KMT5C: variants seen among roughly 807,000 people sequenced by gnomAD.
KMT5C encodes lysine methyltransferase 5C, also known as histone-lysine N-methyltransferase KMT5C.
KMT5C carries 16 observed loss-of-function variants against 38.2 expected under a neutral mutation model. The observed-to-expected ratio is 0.42, with a 90% CI of 0.28 to 0.64. KMT5C has a LOEUF of 0.64. Ranked by LOEUF, KMT5C falls within the 30% of genes least tolerant of loss-of-function variation. The pLI, the probability that KMT5C is intolerant of heterozygous loss-of-function variation, is 0.23. For missense variants in KMT5C, 598 were observed against 665.1 expected (o/e 0.90, Z 1.11); for synonymous variants, 291 against 279.0 (o/e 1.04, Z -0.43).
In KMT5C at chr19:55,347,636, A is replaced by C; in HGVS notation, c.*187A>C. ...GAGCCCTGACCCTTTGTGACTGCTG[A>C]CCCCTGAGCCACCCCCACTCCCACA... On this transcript the variant is annotated 3_prime_UTR_variant, in exon 9 of 9. Transcript: ENST00000255613. The surrounding 1 kb of genome is among the most constrained non-coding windows in gnomAD (Gnocchi z 4.6). 2 of 953,458 alleles carry C rather than the reference A, an allele frequency of 2.1e-6. No homozygotes were observed. Among genetic ancestry groups the C allele is most frequent in the South Asian group, 2.5e-5 (1 of 40,352 alleles). The allele number at this position is 953,458 out of a possible 1,614,324, so 59.1% of individuals were successfully genotyped here.
chr19:55,341,428 C>A (rs1470739474), intron 1 of KMT5C, among the ~76,000 whole-genome samples: 11 of 152,200 alleles, frequency 7.2e-5, no homozygotes, highest in Non-Finnish European at 1.5e-5. Flanking sequence ...CTCGGGCTGG[C>A]GGGAAGCTTT....
rs1600260909 is a variant in KMT5C at position 55,341,857 on chromosome 19, A to C, written c.-80A>C. 1.8e-6 allele frequency: 2 copies of C among 1,107,088 alleles called. No homozygotes were observed. Among genetic ancestry groups the C allele is most frequent in the Non-Finnish European group, 2.7e-6 (2 of 727,578 alleles). The allele number at this position is 1,107,088 out of a possible 1,614,324, so 68.6% of individuals were successfully genotyped here. ...TGAGTAGCGTGGGAGTGGAGTCAGC[A>C]CCAAGCCAGGCTCCCCGCGCCTGCC... On this transcript the variant is annotated 5_prime_UTR_variant, in exon 2 of 9. Coordinates refer to ENST00000255613, the MANE Select transcript of KMT5C (RefSeq NM_032701.4).
Position 55,347,090 on chromosome 19 carries a change from C to T in KMT5C, c.1030C>T (p.Pro344Ser). The change falls in exon 9 of 9, where the codon CCA (proline) becomes TCA (serine). Residue 344 changes from proline to serine, a missense_variant. Physicochemically the swap from Pro to Ser is moderately conservative, Grantham distance 74. Coordinates refer to ENST00000255613, the MANE Select transcript of KMT5C (RefSeq NM_032701.4). This position sits in a 1 kb window ranked among gnomAD's most constrained non-coding sequence, Gnocchi z 4.6. ...CCGACGCCCCCGGCCCCGGAGGGCCCCAGTGCTCTCCACCCACCACGCTGC... is the reference window on the plus strand; with the variant it reads ...CCGACGCCCCCGGCCCCGGAGGGCCTCAGTGCTCTCCACCCACCACGCTGC... ...KRRRPRPRRA[P>S]VLSTHHAARV... 1 of 1,567,568 alleles carries T rather than the reference C, an allele frequency of 6.4e-7. No homozygotes were observed. The highest frequency in any genetic ancestry group is 8.6e-7 in the Non-Finnish European group (1 of 1,164,476).
Position 55,344,952 on chromosome 19 carries a change from G to A in KMT5C, c.570+955G>A, listed in dbSNP as rs901743981. Reference sequence around the variant, plus strand: ...TTGGTTTTTCATCTCAGATGGGGTTGGTGAGGATCTCTGGAACTCTGCGGG... The same window carrying A: ...TTGGTTTTTCATCTCAGATGGGGTTAGTGAGGATCTCTGGAACTCTGCGGG... On this transcript the variant is annotated intron_variant, in intron 6 of 8. Coordinates refer to ENST00000255613, the MANE Select transcript of KMT5C (RefSeq NM_032701.4). The A allele has an allele frequency of 6.4e-6, 3 of 467,018 alleles. No individual in the cohort carries two copies. The East Asian group carries it at 2.1e-4, about 32-fold the overall frequency. 28.9% of individuals were successfully genotyped at this position (467,018 alleles called of 1,614,324 possible). A position where few individuals can be genotyped will look rare whatever the true frequency, so the allele number is the denominator to read the frequency against.
At chr19:55,344,888 A>G in intron 6 of KMT5C, 1 of 471,912 alleles carries the variant, frequency 2.1e-6, no homozygotes, top group Non-Finnish European at 4.4e-6. Flanking sequence ...CTCCAGAGTC[A>G]GAACTGAGTT....
chr19:55,342,473 C>T (rs533364309), intron 3 of KMT5C, 93 bp downstream of exon 3: 25 of 1,115,344 alleles, frequency 2.2e-5, no homozygotes, highest in African/African-American at 4.7e-5. Flanking sequence ...AGTCCCTCAG[C>T]GCAGCCCCTG....
Position 55,347,139 on chromosome 19 carries a change from G to T in KMT5C, c.1079G>T (p.Gly360Val). Residue 360 changes from glycine to valine, a missense_variant, in exon 9 of 9, where the codon GGA becomes GTA. Gly to Val is a moderately radical substitution (Grantham distance 109). This residue lies in a region of KMT5C where 326 missense variants were observed against 298.1 expected (regional missense o/e 1.09). Transcript: ENST00000255613. This position sits in a 1 kb window ranked among gnomAD's most constrained non-coding sequence, Gnocchi z 4.6. Reference sequence around the variant, plus strand: ...GCCCGCGTCTCCCTGCACCGATGGGGAGGCTGTGGCCCCCACTGCCGCCTG... The same window carrying T: ...GCCCGCGTCTCCCTGCACCGATGGGTAGGCTGTGGCCCCCACTGCCGCCTG... The part of the protein sequence containing the change: ...HAARVSLHRW[G>V]GCGPHCRLRG... The T allele has an allele frequency of 6.5e-7, 1 of 1,540,350 alleles. No homozygotes were observed. Among genetic ancestry groups the T allele is most frequent in the Non-Finnish European group, 8.7e-7 (1 of 1,149,504 alleles).
In KMT5C at chr19:55,346,648, T is replaced by C. The variant is rs200788339; in HGVS notation, c.856T>C (p.Cys286Arg). The change falls in exon 8 of 9, where the codon TGC (cysteine) becomes CGC (arginine). Residue 286 changes from cysteine (C) to arginine (R), a missense_variant. Transcript: ENST00000255613. ...SRQGLLGPRA[C>R]VHPSPLRRDP... ...ACAGGGCCTGCTGGGCCCTCGGGCC[T>C]GCGTGCACCCATCCCCGCTGCGCCG... 304 of 1,576,532 alleles carry C rather than the reference T, an allele frequency of 1.9e-4. No individual in the cohort carries two copies. Among genetic ancestry groups the C allele is most frequent in the Admixed American group, 6.7e-4 (36 of 54,074 alleles).
chr19:55,346,871 C>G (rs2089625339), intron 8 of KMT5C, 85 bp from the exon 9 acceptor site: 1 of 779,798 alleles, frequency 1.3e-6, no homozygotes, highest in South Asian at 1.6e-5. Context: ...AGGGCTGCCT[C>G]CTTGTCCAGA....
In KMT5C at chr19:55,342,014, C is replaced by T. The variant is rs1372189684; in HGVS notation, c.78C>T (p.Tyr26=). 2 of 1,613,762 alleles carry T rather than the reference C, an allele frequency of 1.2e-6. No homozygotes were observed. The highest frequency in any genetic ancestry group is 1.7e-6 in the Non-Finnish European group (2 of 1,179,908). The part of the protein sequence containing the change: ...DLATSLVLDP[Y]LGFRTHKMNV... ...CCACCAGCCTCGTCCTGGACCCCTA[C>T]CTCGGTTTCCGCACCCATAAGATGA... The change falls in exon 2 of 9, where the codon TAC becomes TAT. Residue 26 remains tyrosine (Y), a synonymous_variant. Transcript: ENST00000255613.
rs1161643312 is a variant in KMT5C at position 55,342,312 on chromosome 19, C to T, written c.208C>T (p.Leu70=). The part of the protein sequence containing the change: ...DLEAAYRALT[L]GGWTARYFQS... ...GGAGGCTGCGTACCGGGCCCTGACGCTGGGAGGCTGGACGGCCCGCTACTT... is the reference window on the plus strand; with the variant it reads ...GGAGGCTGCGTACCGGGCCCTGACGTTGGGAGGCTGGACGGCCCGCTACTT... Residue 70 remains leucine (L), a synonymous_variant, in exon 3 of 9, where the codon CTG becomes TTG. Transcript: ENST00000255613. The T allele has an allele frequency of 2.5e-6, 4 of 1,582,186 alleles. No homozygotes were observed. Among genetic ancestry groups the T allele is most frequent in the South Asian group, 2.3e-5 (2 of 86,910 alleles).
At chr19:55,342,077 G>A (rs767535658) in intron 2 of KMT5C, 31 bp downstream of exon 2, 17 of 1,587,100 alleles carry the variant, frequency 1.1e-5, no homozygotes, top group African/African-American at 9.4e-5. Context: ...GGGTGGGCCC[G>A]AGGGGTCAGG....
At chr19:55,346,918 C>T (rs2089625885) in intron 8 of KMT5C, 38 bp from the exon 9 acceptor site, 1 of 822,220 alleles carries the variant, frequency 1.2e-6, no homozygotes, top group Non-Finnish European at 2.0e-6. Flanking sequence ...TTCACCTCTC[C>T]TTTGTTCCTC....
chr19:55,345,102 C>T, intron 6 of KMT5C: 1 of 455,668 alleles, frequency 2.2e-6, no homozygotes. Flanking sequence ...GGCCAGTGTG[C>T]TCCAGCCACC....
rs1413071772 is a variant in KMT5C, at chr19:55,346,266, G to A, written c.624G>A (p.Glu208=). Residue 208 remains glutamate, a synonymous_variant, in exon 7 of 9, where the codon GAG becomes GAA. Transcript: ENST00000255613. Reference sequence around the variant, plus strand: ...GCGTGAAGGTGCTCCGGGACATTGAGCCTGGGGACGAGGTGACATGCTTCT... The same window carrying A: ...GCGTGAAGGTGCTCCGGGACATTGAACCTGGGGACGAGGTGACATGCTTCT... ...AACVKVLRDI[E]PGDEVTCFYG... 1.2e-6 allele frequency: 2 copies of A among 1,613,966 alleles called. No individual in the cohort carries two copies. Among genetic ancestry groups the A allele is most frequent in the African/African-American group, 2.7e-5 (2 of 74,920 alleles).
chr19:55,347,202 A>G lies in KMT5C; in HGVS notation c.1142A>G (p.His381Arg). The G allele has an allele frequency of 9.1e-6, 14 of 1,538,372 alleles. No individual in the cohort carries two copies. The highest frequency in any genetic ancestry group is 1.2e-5 in the Non-Finnish European group (14 of 1,146,610). ...EALVALGQPPHARWAPQQDWH... is the reference protein window; with the variant it reads ...EALVALGQPPRARWAPQQDWH... ...CTGGTGGCCCTGGGCCAGCCCCCCC[A>G]CGCCCGCTGGGCCCCTCAGCAGGAC... Residue 381 changes from histidine to arginine, a missense_variant, in exon 9 of 9, where the codon CAC (histidine) becomes CGC (arginine). This residue lies in a region of KMT5C where 326 missense variants were observed against 298.1 expected (regional missense o/e 1.09). Transcript: ENST00000255613. This position sits in a 1 kb window ranked among gnomAD's most constrained non-coding sequence, Gnocchi z 4.6.
Position 55,343,729 on chromosome 19 carries a change from C to T in KMT5C, c.436C>T (p.Arg146Trp), listed in dbSNP as rs1422483879. The T allele has an allele frequency of 2.5e-6, 4 of 1,579,372 alleles. No individual in the cohort carries two copies. The highest frequency in any genetic ancestry group is 2.6e-6 in the Non-Finnish European group (3 of 1,162,272). Residue 146 changes from arginine to tryptophan, a missense_variant, in exon 5 of 9, where the codon CGG (arginine) becomes TGG (tryptophan). By Grantham distance (101) the Arg-to-Trp change is moderately radical (BLOSUM62 -3). Coordinates refer to ENST00000255613, the MANE Select transcript of KMT5C (RefSeq NM_032701.4). This position sits in a 1 kb window ranked among gnomAD's most constrained non-coding sequence, Gnocchi z 5.5. ...ELLVGCIAELREADEGLLRAG... is the reference protein window; with the variant it reads ...ELLVGCIAELWEADEGLLRAG... ...GCTGGTGGGCTGCATTGCAGAGCTG[C>T]GGGAGGCAGATGAGGGGCTGCTGAG...
rs1339190084 is a variant in KMT5C at position 55,342,399 on chromosome 19, C to T, written c.276+19C>T. On this transcript the variant is annotated intron_variant, in intron 3 of 8. Transcript: ENST00000255613. ...GACCCACGTGAGGGCGCCCTCCCCT[C>T]CCCCGCCCTCACCGCGTGTCCTCCC... 6.2e-6 allele frequency: 9 copies of T among 1,457,122 alleles called. No individual in the cohort carries two copies. Among genetic ancestry groups the T allele is most frequent in the Non-Finnish European group, 7.3e-6 (8 of 1,102,126 alleles). The allele number at this position is 1,457,122 out of a possible 1,614,324, so 90.3% of individuals were successfully genotyped here.
intron 1 of KMT5C, among the ~76,000 whole-genome samples, chr19:55,341,089 G>A (rs999763325): frequency 6.6e-6 from 1 of 152,212 alleles, no homozygotes. Context: ...CCCTCCGTCC[G>A]GGTTAGGGGT....
Sources: allele counts gnomAD v4.1 joint callset (sites outside exome capture counted in the v4.1 genomes callset), GRCh38; gene constraint gnomAD v4.1.1; regional missense constraint gnomAD v4.1.1; non-coding constraint Gnocchi (gnomAD v3.1); transcripts MANE v1.5; gene names NCBI Gene and HGNC (gene_info 2026-07-23, HGNC 2026-07-21).